The following SIPA1L1 variants were observed in gnomAD, a reference collection of about 807,000 sequenced individuals.
SIPA1L1 encodes signal induced proliferation associated 1 like 1, also known as signal-induced proliferation-associated 1-like protein 1.
SIPA1L1 carries 26 observed loss-of-function variants against 162.7 expected under a neutral mutation model. That is an observed-to-expected ratio of 0.16 (90% confidence interval 0.12 to 0.22). The LOEUF (loss-of-function observed/expected upper bound fraction) is 0.22, where lower values mean the gene tolerates loss of function less well. SIPA1L1 is among the 10% of genes least tolerant of loss of function. SIPA1L1 has a pLI of 1.00. For synonymous variants in SIPA1L1, 829 were observed against 837.4 expected (o/e 0.99, Z 0.17); for missense variants, 1,874 against 2,241.0 (o/e 0.84, Z 3.31).
chr14:71,373,918 C>T lies in SIPA1L1; in HGVS notation c.-465+52737C>T, dbSNP rs370377986. Among the ~76,000 whole-genome samples, 11 of 152,116 alleles carry T rather than the reference C, an allele frequency of 7.2e-5. No individual in the cohort carries two copies. In the South Asian group the frequency reaches 2.1e-3, roughly 29 times the overall value. ...TCCCTACAAAAAGTTAAGAAAAAAT[C>T]CTTAGACTCAGTTCACCCTCTGCAC... On this transcript the variant is annotated intron_variant, in intron 2 of 23. Transcript: ENST00000381232.
intron 4 of SIPA1L1, among the ~76,000 whole-genome samples, chr14:71,580,224 C>G (rs923839749): frequency 1.3e-5 from 2 of 152,182 alleles, no homozygotes; most frequent in African/African-American, 4.8e-5. Flanking sequence ...CCACGTAGCA[C>G]TTTAGTAAAG....
At chr14:71,648,496 T>C (rs2042356902) in intron 7 of SIPA1L1, among the ~76,000 whole-genome samples, 1 of 152,174 alleles carries the variant, frequency 6.6e-6, no homozygotes, top group Admixed American at 6.5e-5. Flanking sequence ...CTGAAAATGG[T>C]AGTTCAGGTT....
chr14:71,426,486 CTT>C (rs370856446), intron 2 of SIPA1L1, among the ~76,000 whole-genome samples: 3 of 131,990 alleles, frequency 2.3e-5, no homozygotes, highest in Non-Finnish European at 3.2e-5. Context: ...GAATTTCTTT[CTT>C]TTTTTTTTTT....
intron 5 of SIPA1L1, among the ~76,000 whole-genome samples, chr14:71,604,440 G>A (rs953093589): frequency 6.6e-6 from 1 of 152,086 alleles, no homozygotes; most frequent in African/African-American, 2.4e-5. Flanking sequence ...ACTGCACCTG[G>A]CCAAGTTTGG....
At chr14:71,354,059 G>T (rs559100629) in intron 2 of SIPA1L1, among the ~76,000 whole-genome samples, 1 of 151,494 alleles carries the variant, frequency 6.6e-6, no homozygotes, top group East Asian at 1.9e-4. Flanking sequence ...TTTTTTCCCC[G>T]TTTCTCTGAG....
intron 2 of SIPA1L1, among the ~76,000 whole-genome samples, chr14:71,396,827 C>T (rs1490462372): frequency 1.3e-5 from 2 of 152,132 alleles, no homozygotes; most frequent in Admixed American, 6.5e-5. Context: ...AACTCATTAA[C>T]AAGAGCATTA....
At chr14:71,692,871 A>G (rs2081346935) in intron 13 of SIPA1L1, among the ~76,000 whole-genome samples, 1 of 152,160 alleles carries the variant, frequency 6.6e-6, no homozygotes, top group Non-Finnish European at 1.5e-5. Context: ...TCCTAGAAGC[A>G]CCAGGAGGGT....
intron 12 of SIPA1L1, among the ~76,000 whole-genome samples, chr14:71,683,057 G>A (rs1044730768): frequency 2.0e-5 from 3 of 152,206 alleles, no homozygotes; most frequent in Non-Finnish European, 4.4e-5. Context: ...AGGAGGCTGA[G>A]ATGGGAGAAT....
intron 3 of SIPA1L1, among the ~76,000 whole-genome samples, chr14:71,516,730 T>C (rs1388428018): frequency 2.0e-5 from 3 of 152,008 alleles, no homozygotes. Context: ...CCCAGCACTT[T>C]GGGAGGCTGA....
chr14:71,709,562 C>G lies in SIPA1L1; in HGVS notation c.4106C>G (p.Ser1369Cys). 7.4e-6 allele frequency: 12 copies of G among 1,614,144 alleles called. No homozygotes were observed. Among genetic ancestry groups the G allele is most frequent in the Non-Finnish European group, 9.3e-6 (11 of 1,179,980 alleles). ...CACGGCCTGGACCGGAAAACAGAGT[C>G]TTCCCTGAGCTTAGACATACACAGC... ...ESHGLDRKTE[S>C]SLSLDIHSKS... The change falls in exon 17 of 24, where the codon TCT becomes TGT. Residue 1369 changes from serine (S) to cysteine (C), a missense_variant. This residue lies in a region of SIPA1L1 where 936 missense variants were observed against 1,051.9 expected (regional missense o/e 0.89). Coordinates refer to ENST00000381232, the MANE Select transcript of SIPA1L1 (RefSeq NM_001386936.1).
At chr14:71,681,877 G>A (rs1227671210) in intron 12 of SIPA1L1, among the ~76,000 whole-genome samples, 1 of 152,192 alleles carries the variant, frequency 6.6e-6, no homozygotes, top group Non-Finnish European at 1.5e-5. Flanking sequence ...GTAAGGAGAT[G>A]GAGTAGCTTT....
intron 4 of SIPA1L1, among the ~76,000 whole-genome samples, chr14:71,543,878 T>C (rs1426074582): frequency 1.4e-4 from 16 of 113,598 alleles, no homozygotes; most frequent in African/African-American, 5.2e-4. Context: ...CGTATGTGTA[T>C]ATATACATAT....
At chr14:71,643,576 T>C (rs563558288) in intron 7 of SIPA1L1, among the ~76,000 whole-genome samples, 1 of 152,166 alleles carries the variant, frequency 6.6e-6, no homozygotes, top group Non-Finnish European at 1.5e-5. Context: ...GAAAGTATCG[T>C]TTTTGCAGAT....
At chr14:71,456,577 T>C (rs984467897) in intron 2 of SIPA1L1, among the ~76,000 whole-genome samples, 1 of 152,220 alleles carries the variant, frequency 6.6e-6, no homozygotes, top group African/African-American at 2.4e-5. Flanking sequence ...TTAATAATTA[T>C]TGGCAACTCT....
chr14:71,417,481 A>AAAAAAAAAAAAAAAAAAAC, intron 2 of SIPA1L1, among the ~76,000 whole-genome samples: 1 of 136,330 alleles, frequency 7.3e-6, no homozygotes, highest in Admixed American at 7.3e-5. Context: ...AAAAAAAAAA[A>AAAAAAAAAAAAAAAAAAAC]AAAAAAAAAA....
intron 13 of SIPA1L1, among the ~76,000 whole-genome samples, chr14:71,687,524 A>G (rs776505652): frequency 6.6e-6 from 1 of 152,234 alleles, no homozygotes; most frequent in East Asian, 1.9e-4. Context: ...CCTTTATACA[A>G]TATTCCATTT....
At chr14:71,528,533 T>C (rs2053119819) in intron 3 of SIPA1L1, among the ~76,000 whole-genome samples, 1 of 152,032 alleles carries the variant, frequency 6.6e-6, no homozygotes, top group Admixed American at 6.6e-5. Context: ...TGCGCGCCTC[T>C]AGTTCAGCTA....
chr14:71,348,613 C>A (rs75673016), intron 2 of SIPA1L1, among the ~76,000 whole-genome samples: 3,244 of 152,222 alleles, frequency 0.021, 114 homozygotes, highest in African/African-American at 0.074. Flanking sequence ...AGTGGACTTG[C>A]TGTGTCATAA....
At chr14:71,562,229 G>A (rs999057563) in intron 4 of SIPA1L1, among the ~76,000 whole-genome samples, 1 of 151,716 alleles carries the variant, frequency 6.6e-6, no homozygotes, top group Admixed American at 6.6e-5. Context: ...GAAAAAAAAT[G>A]ATACTTTTGT....
Sources: allele counts gnomAD v4.1 joint callset (sites outside exome capture counted in the v4.1 genomes callset), GRCh38; gene constraint gnomAD v4.1.1; regional missense constraint gnomAD v4.1.1; transcripts MANE v1.5; gene names NCBI Gene and HGNC (gene_info 2026-07-23, HGNC 2026-07-21).